The following AP1S3 variants were observed in gnomAD, a reference collection of about 807,000 sequenced individuals.
AP1S3 encodes the protein adaptor related protein complex 1 subunit sigma 3.
AP1S3 carries 10 observed loss-of-function variants against 20.9 expected under a neutral mutation model. That is an observed-to-expected ratio of 0.48 (90% CI 0.29 to 0.81). The LOEUF (loss-of-function observed/expected upper bound fraction) is 0.81, where lower values mean the gene tolerates loss of function less well. AP1S3 is among the 30% of genes least tolerant of loss of function. The probability of loss-of-function intolerance (pLI) is 0.08; values close to 1 mark genes in which losing one functional copy is unlikely to be tolerated. For missense variants in AP1S3, 154 were observed against 183.8 expected (o/e 0.84, Z 0.94); for synonymous variants, 41 against 61.5 (o/e 0.67, Z 1.56).
chr2:223,820,587 T>C (rs1281770364), intron 1 of AP1S3, among the ~76,000 whole-genome samples: 1 of 151,414 alleles, frequency 6.6e-6, no homozygotes, highest in Non-Finnish European at 1.5e-5. Flanking sequence ...TAAGTTTCAA[T>C]GTTTGTCCCA....
intron 1 of AP1S3, among the ~76,000 whole-genome samples, chr2:223,801,768 C>G (rs1196140635): frequency 2.6e-5 from 4 of 152,018 alleles, no homozygotes; most frequent in Admixed American, 6.6e-5. Context: ...ACTTAAAGCT[C>G]CCTCTGCCCC....
At chr2:223,780,308 TAGAGAGAGAGAGAGAG>T (rs527550327) in intron 1 of AP1S3, among the ~76,000 whole-genome samples, 42 of 62,018 alleles carry the variant, frequency 6.8e-4, no homozygotes, top group African/African-American at 1.6e-3. Context: ...TATATATATA[TAGAGAGAGAGAGAGAG>T]AGAGAGAGAG....
intron 1 of AP1S3, among the ~76,000 whole-genome samples, chr2:223,790,479 G>A (rs1023891028): frequency 2.0e-5 from 3 of 151,936 alleles, no homozygotes; most frequent in African/African-American, 4.8e-5. Flanking sequence ...AGTGATTCAC[G>A]TGCCTCGGCC....
Position 223,835,500 on chromosome 2 carries a change from C to T in AP1S3, c.3+1948G>A, listed in dbSNP as rs530709065. ...CAAAACCCCGTCTCTACTAAAAATACAAAAATTAGCTAGGCGTGGTGGCGG... is the reference window on the plus strand; with the variant it reads ...CAAAACCCCGTCTCTACTAAAAATATAAAAATTAGCTAGGCGTGGTGGCGG... On this transcript the variant is annotated intron_variant, in intron 1 of 4. Coordinates refer to ENST00000396654, the MANE Select transcript of AP1S3 (RefSeq NM_001039569.2). Among the ~76,000 whole-genome samples, 26 of 152,132 alleles carry T rather than the reference C, an allele frequency of 1.7e-4. No homozygotes were observed. In the South Asian group the frequency reaches 5.2e-3, roughly 30 times the overall value.
At chr2:223,806,645 T>A (rs1185809859) in intron 1 of AP1S3, among the ~76,000 whole-genome samples, 2 of 152,182 alleles carry the variant, frequency 1.3e-5, no homozygotes, top group African/African-American at 4.8e-5. Flanking sequence ...TGTCCTTTTA[T>A]TTTCTTACAG....
In AP1S3 at chr2:223,756,449, A is replaced by AAAAG. The variant is rs778670861; in HGVS notation, c.*2262_*2265dup. The AAAAG allele has an allele frequency of 2.4e-3, 1,973 of 810,800 alleles. 35 individuals are homozygous for AAAAG. In the African/African-American group the frequency reaches 0.035, roughly 14 times the overall value. The allele number at this position is 810,800 out of a possible 1,614,324, so 50.2% of individuals were successfully genotyped here. A position where few individuals can be genotyped will look rare whatever the true frequency, so the allele number is the denominator to read the frequency against. Reference sequence around the variant, plus strand: ...AGAAGAAGGAAGGAAGAAAGGAAGGAAAAGAAAGAAAGAAAGAAAAGAAAG... The same window carrying AAAAG: ...AGAAGAAGGAAGGAAGAAAGGAAGGAAAAGAAAGAAAGAAAGAAAGAAAAGAAAG... On this transcript the variant is annotated 3_prime_UTR_variant, in exon 5 of 5. Coordinates refer to ENST00000396654, the MANE Select transcript of AP1S3 (RefSeq NM_001039569.2).
At chr2:223,763,799 T>C (rs539703417) in intron 4 of AP1S3, among the ~76,000 whole-genome samples, 1 of 152,330 alleles carries the variant, frequency 6.6e-6, no homozygotes, top group South Asian at 2.1e-4. Flanking sequence ...CAGGAGCAAG[T>C]AATCAGCCTA....
chr2:223,837,437 C>G lies in AP1S3; in HGVS notation c.3+11G>C. On this transcript the variant is annotated intron_variant, in intron 1 of 4. Transcript: ENST00000396654. ...ACCGCCTACCCGGGCCGGCGGTTCC[C>G]CCGCACTCACCATCGTGGCTGGGCC... 7.9e-7 allele frequency: 1 copy of G among 1,264,992 alleles called. No individual in the cohort carries two copies. The highest frequency in any genetic ancestry group is 1.0e-6 in the Non-Finnish European group (1 of 1,001,370). 78.4% of individuals were successfully genotyped at this position (1,264,992 alleles called of 1,614,324 possible).
intron 1 of AP1S3, among the ~76,000 whole-genome samples, chr2:223,802,185 G>T (rs1691484115): frequency 6.6e-6 from 1 of 152,164 alleles, no homozygotes; most frequent in South Asian, 2.1e-4. Flanking sequence ...CCTTGTATTG[G>T]CAGGGAAATC....
chr2:223,791,509 A>C (rs1407342263), intron 1 of AP1S3, among the ~76,000 whole-genome samples: 2 of 152,214 alleles, frequency 1.3e-5, no homozygotes, highest in Non-Finnish European at 2.9e-5. Flanking sequence ...ACTCTCAATA[A>C]ACTAGATATT....
intron 1 of AP1S3, among the ~76,000 whole-genome samples, chr2:223,823,905 T>A (rs900998291): frequency 6.6e-6 from 1 of 152,168 alleles, no homozygotes; most frequent in Non-Finnish European, 1.5e-5. Flanking sequence ...ATTTAAAAAA[T>A]AAACTTCCCT....
intron 4 of AP1S3, among the ~76,000 whole-genome samples, chr2:223,759,162 C>A (rs1690293010): frequency 6.6e-6 from 1 of 152,028 alleles, no homozygotes; most frequent in Non-Finnish European, 1.5e-5. Flanking sequence ...CACCTGTATT[C>A]CCAGCTACTC....
chr2:223,779,963 G>A (rs1034829319), intron 1 of AP1S3, among the ~76,000 whole-genome samples: 6 of 151,416 alleles, frequency 4.0e-5, no homozygotes, highest in Non-Finnish European at 8.8e-5. Flanking sequence ...GCGAAACTCC[G>A]TCTCAAAAAA....
chr2:223,806,374 C>T (rs1691581974), intron 1 of AP1S3, among the ~76,000 whole-genome samples: 1 of 150,216 alleles, frequency 6.7e-6, no homozygotes, highest in Admixed American at 6.7e-5. Flanking sequence ...AGCTCCGCCT[C>T]CCGGGTTCAC....
At chr2:223,808,924 G>GGTTGAGGCTGCAGTGAGCTGT (rs1691646858) in intron 1 of AP1S3, among the ~76,000 whole-genome samples, 1 of 152,190 alleles carries the variant, frequency 6.6e-6, no homozygotes. Context: ...GAACCCAGGA[G>GGTTGAGGCTGCAGTGAGCTGT]GTTGAGGCTG....
intron 1 of AP1S3, among the ~76,000 whole-genome samples, chr2:223,802,242 G>A (rs1395633520): frequency 6.6e-6 from 1 of 152,050 alleles, no homozygotes; most frequent in African/African-American, 2.4e-5. Context: ...GGAAGGAGGG[G>A]AGGAAGGTAC....
At chr2:223,807,472 T>G (rs567432191) in intron 1 of AP1S3, among the ~76,000 whole-genome samples, 1 of 152,304 alleles carries the variant, frequency 6.6e-6, no homozygotes, top group East Asian at 1.9e-4. Context: ...AAGCATTCTT[T>G]TAATCAGAGT....
intron 1 of AP1S3, among the ~76,000 whole-genome samples, chr2:223,834,667 G>A (rs1692355723): frequency 6.6e-6 from 1 of 151,864 alleles, no homozygotes; most frequent in South Asian, 2.1e-4. Context: ...TGAGGTAGGA[G>A]GGTTGCTGGA....
chr2:223,836,671 C>CA (rs1204898137), intron 1 of AP1S3, among the ~76,000 whole-genome samples: 3 of 151,950 alleles, frequency 2.0e-5, no homozygotes, highest in Non-Finnish European at 4.4e-5. Flanking sequence ...ACCCGGGAGG[C>CA]AGAGCCGAGA....
Sources: allele counts gnomAD v4.1 joint callset (sites outside exome capture counted in the v4.1 genomes callset), GRCh38; gene constraint gnomAD v4.1.1; transcripts MANE v1.5; gene names NCBI Gene and HGNC (gene_info 2026-07-23, HGNC 2026-07-21).